Variants in CACNA2D1 observed in about 807,000 individuals in gnomAD.
CACNA2D1 encodes calcium voltage-gated channel auxiliary subunit alpha2delta 1.
Under a neutral mutation model 171.5 loss-of-function variants are expected in CACNA2D1, and 53 were observed. The observed-to-expected ratio is 0.31, with a 90% confidence interval of 0.25 to 0.39. The LOEUF (loss-of-function observed/expected upper bound fraction) is 0.39. Ranked by LOEUF, CACNA2D1 falls within the 10% of genes least tolerant of loss-of-function variation. The pLI is 1.00. For missense variants in CACNA2D1, 903 were observed against 1,299.8 expected (o/e 0.69, Z 4.69); for synonymous variants, 442 against 443.1 (o/e 1.00, Z 0.03).
intron 10 of CACNA2D1, among the ~76,000 whole-genome samples, chr7:82,056,771 C>T (rs117130101): frequency 0.039 from 5,950 of 152,218 alleles, 228 homozygotes; most frequent in Non-Finnish European, 0.05. Context: ...GATACAAATT[C>T]CAGTTATGGG....
At chr7:82,410,857 G>T (rs1827569281) in intron 1 of CACNA2D1, among the ~76,000 whole-genome samples, 1 of 152,144 alleles carries the variant, frequency 6.6e-6, no homozygotes, top group Non-Finnish European at 1.5e-5. Flanking sequence ...ATTCATTCCA[G>T]CTGTTTCAAA....
intron 1 of CACNA2D1, among the ~76,000 whole-genome samples, chr7:82,388,097 C>CA (rs1339415778): frequency 6.8e-6 from 1 of 146,952 alleles, no homozygotes. Context: ...AAACAAACAA[C>CA]AAAAAAAACA....
intron 3 of CACNA2D1, among the ~76,000 whole-genome samples, chr7:82,253,425 G>A (rs1355883664): frequency 2.0e-5 from 3 of 152,082 alleles, no homozygotes; most frequent in South Asian, 2.1e-4. Flanking sequence ...TGTAATTAAG[G>A]TATTGTCATA....
At chr7:82,073,896 C>T (rs575390785) in intron 7 of CACNA2D1, among the ~76,000 whole-genome samples, 6 of 152,224 alleles carry the variant, frequency 3.9e-5, no homozygotes, top group East Asian at 1.9e-4. Context: ...CCCTCACTCT[C>T]GGCCTGCATT....
At chr7:82,287,262 C>A (rs969444403) in intron 3 of CACNA2D1, among the ~76,000 whole-genome samples, 1 of 147,272 alleles carries the variant, frequency 6.8e-6, no homozygotes, top group Non-Finnish European at 1.5e-5. Context: ...TCTTTTCTTT[C>A]TTTTTTTTTT....
At chr7:82,282,307 A>C (rs1810217676) in intron 3 of CACNA2D1, among the ~76,000 whole-genome samples, 1 of 152,166 alleles carries the variant, frequency 6.6e-6, no homozygotes, top group Admixed American at 6.5e-5. Context: ...CTAAAATATA[A>C]AATAAAATAA....
At chr7:82,420,390 C>A (rs1397209310) in intron 1 of CACNA2D1, among the ~76,000 whole-genome samples, 1 of 152,116 alleles carries the variant, frequency 6.6e-6, no homozygotes, top group Non-Finnish European at 1.5e-5. Context: ...CTACAAAATG[C>A]AAAACTAAAT....
chr7:82,180,837 GGACAGAGAGAAATAGA>G (rs1156897739), intron 3 of CACNA2D1, among the ~76,000 whole-genome samples: 3 of 151,866 alleles, frequency 2.0e-5, no homozygotes, highest in Non-Finnish European at 2.9e-5. Context: ...GGGGGAAGAG[GGACAGAGAGAAATAGA>G]GACAGAGACA....
chr7:82,235,974 CTA>C (rs1372627287), intron 3 of CACNA2D1, among the ~76,000 whole-genome samples: 1 of 152,058 alleles, frequency 6.6e-6, no homozygotes, highest in African/African-American at 2.4e-5. Flanking sequence ...ATGCGGATGA[CTA>C]TGTGCCCATG....
chr7:82,258,163 A>C (rs1489067439), intron 3 of CACNA2D1, among the ~76,000 whole-genome samples: 2 of 152,196 alleles, frequency 1.3e-5, no homozygotes, highest in Non-Finnish European at 2.9e-5. Context: ...GAATGAATCC[A>C]GCACTCCACT....
intron 5 of CACNA2D1, among the ~76,000 whole-genome samples, chr7:82,118,632 G>T (rs1284533441): frequency 1.3e-5 from 2 of 151,994 alleles, no homozygotes; most frequent in African/African-American, 4.8e-5. Context: ...TATAAAGCTT[G>T]TCTTACATAA....
intron 3 of CACNA2D1, among the ~76,000 whole-genome samples, chr7:82,309,780 G>C (rs1388476816): frequency 2.0e-5 from 3 of 152,036 alleles, no homozygotes; most frequent in Non-Finnish European, 4.4e-5. Context: ...CTCTGTCCTG[G>C]GTTGTAAACC....
intron 7 of CACNA2D1, among the ~76,000 whole-genome samples, chr7:82,071,942 G>A (rs1464495145): frequency 6.6e-6 from 1 of 152,086 alleles, no homozygotes; most frequent in African/African-American, 2.4e-5. Context: ...AGACAGATGA[G>A]GACAACAACC....
intron 3 of CACNA2D1, among the ~76,000 whole-genome samples, chr7:82,229,686 TTTTTA>T (rs142135248): frequency 0.08 from 11,820 of 147,848 alleles, 634 homozygotes; most frequent in Non-Finnish European, 0.11. Flanking sequence ...ACTTTTTTTA[TTTTTA>T]TTTTATTTTA....
At chr7:82,016,627 A>AAG (rs1480749771) in intron 12 of CACNA2D1, among the ~76,000 whole-genome samples, 2 of 134,840 alleles carry the variant, frequency 1.5e-5, no homozygotes, top group Non-Finnish European at 3.2e-5. Context: ...CCCCCCAAAA[A>AAG]AAAAGCTTGT....
At chr7:82,113,835 T>C (rs1034705006) in intron 6 of CACNA2D1, among the ~76,000 whole-genome samples, 6 of 152,136 alleles carry the variant, frequency 3.9e-5, no homozygotes, top group Non-Finnish European at 7.4e-5. Context: ...GCTTATAACA[T>C]TGGACATGAA....
intron 1 of CACNA2D1, among the ~76,000 whole-genome samples, chr7:82,373,822 C>G (rs1822698398): frequency 6.6e-6 from 1 of 152,192 alleles, no homozygotes; most frequent in South Asian, 2.1e-4. Context: ...TAGTGTATCT[C>G]CAAATAAGTT....
chr7:82,183,974 CTATT>C lies in CACNA2D1; in HGVS notation c.295-13369_295-13366del, dbSNP rs530286737. 8.4e-4 allele frequency among the ~76,000 whole-genome samples: 128 copies of C among 152,054 alleles called. No individual in the cohort carries two copies. The East Asian group carries it at 0.024, about 28-fold the overall frequency. ...AACCTATTCTTTGACTGGTGGTAAA[CTATT>C]TATCATTCCTGACTTGTTATATTAA... On this transcript the variant is annotated intron_variant, in intron 3 of 38. Coordinates refer to ENST00000356860, the MANE Select transcript of CACNA2D1 (RefSeq NM_000722.4).
At chr7:82,240,968 A>G (rs1192552880) in intron 3 of CACNA2D1, among the ~76,000 whole-genome samples, 1 of 142,326 alleles carries the variant, frequency 7.0e-6, no homozygotes, top group African/African-American at 2.9e-5. Context: ...CTCCATCTCA[A>G]AAAAAAAAAA....
Sources: gnomAD v4.1 joint callset for allele counts (sites outside exome capture counted in the v4.1 genomes callset) on GRCh38, gnomAD v4.1.1 for gene constraint, MANE v1.5 for transcripts, NCBI Gene and HGNC (gene_info 2026-07-23, HGNC 2026-07-21) for gene names.